AHCY: variants seen among roughly 807,000 people sequenced by gnomAD.
AHCY encodes S-adenosyl-L-homocysteine hydrolase.
Under a neutral mutation model 45.4 loss-of-function variants are expected in AHCY, and 24 were observed. The ratio of observed to expected loss-of-function variants is 0.53; its 90% confidence interval spans 0.38 to 0.74. The LOEUF (loss-of-function observed/expected upper bound fraction) is 0.74, where lower values mean the gene tolerates loss of function less well. Ranked by LOEUF, AHCY falls within the 30% of genes least tolerant of loss-of-function variation. AHCY has a pLI of 0.00. For synonymous variants in AHCY, 245 were observed against 235.1 expected, an observed-to-expected ratio of 1.04 and a Z score of -0.39; for missense variants, 449 against 594.1, an observed-to-expected ratio of 0.76 and a Z score of 2.54.
chr20:34,305,293 C>G (rs373713914), upstream of AHCY, among the ~76,000 whole-genome samples: 1 of 151,944 alleles, frequency 6.6e-6, no homozygotes, highest in Non-Finnish European at 1.5e-5. Flanking sequence ...CACTGCACTC[C>G]GGCCTGGGCG....
chr20:34,245,456 C>T, the AHCY span, among the ~76,000 whole-genome samples: 97 of 151,218 alleles, frequency 6.4e-4, no homozygotes, highest in Non-Finnish European at 1.1e-3. Context: ...TGGCAGATCT[C>T]GGCTCACTGC....
At position 34,290,200 on chromosome 20, in the gene AHCY, T is replaced by G; in HGVS notation, c.972+132A>C. ...GATAAGGTTGCCACGTCTGGCTGGCTCTGATGCTAGGCCCTCTTCTCCCCA... is the reference window on the plus strand; with the variant it reads ...GATAAGGTTGCCACGTCTGGCTGGCGCTGATGCTAGGCCCTCTTCTCCCCA... On this transcript the variant is annotated intron_variant, in intron 8 of 9. Coordinates refer to ENST00000217426, the MANE Select transcript of AHCY (RefSeq NM_000687.4). This position sits in a 1 kb window ranked among gnomAD's most constrained non-coding sequence, Gnocchi z 4.5. 1 of 908,430 alleles carries G rather than the reference T, an allele frequency of 1.1e-6. No homozygotes were observed. The highest frequency in any genetic ancestry group is 2.4e-5 in the East Asian group (1 of 41,666). The allele number at this position is 908,430 out of a possible 1,614,324, so 56.3% of individuals were successfully genotyped here.
the AHCY span, chr20:34,260,335 C>G: frequency 6.3e-6 from 10 of 1,594,226 alleles, no homozygotes; most frequent in Non-Finnish European, 8.6e-6. Flanking sequence ...CCTGACCCAC[C>G]CACCTGACCA....
chr20:34,257,312 T>C, the AHCY span, among the ~76,000 whole-genome samples: 1 of 152,046 alleles, frequency 6.6e-6, no homozygotes, highest in East Asian at 1.9e-4. Context: ...GTCGAACTCC[T>C]GACCCCAAGT....
the AHCY span, among the ~76,000 whole-genome samples, chr20:34,252,238 A>G: frequency 6.6e-6 from 1 of 152,230 alleles, no homozygotes; most frequent in African/African-American, 2.4e-5. Flanking sequence ...ACCGGTGCTC[A>G]GTATACAGAG....
At chr20:34,281,305 C>T (rs371597443) in intron 9 of AHCY, 140 bp from the exon 10 acceptor site, 3 of 1,332,686 alleles carry the variant, frequency 2.3e-6, no homozygotes, top group East Asian at 4.9e-5. Context: ...TCTATCCTCA[C>T]ACCCAGCCTC....
chr20:34,258,887 TTA>T, the AHCY span, among the ~76,000 whole-genome samples: 1 of 130,604 alleles, frequency 7.7e-6, no homozygotes, highest in Admixed American at 9.3e-5. Flanking sequence ...ATATATAGTA[TTA>T]TATATATAGT....
At position 34,291,415 on chromosome 20, in the gene AHCY, T is replaced by C; in HGVS notation, c.558+4A>G. On this transcript the variant is annotated splice_donor_region_variant and intron_variant, in intron 5 of 9. Coordinates refer to ENST00000217426, the MANE Select transcript of AHCY (RefSeq NM_000687.4). The stretch of plus-strand genomic sequence containing the variant: ...GCGGGAGCTGTCACTGCCCCTCGGC[T>C]CACCTTGGTGACGGAGTCATTGACA... 1 of 1,613,244 alleles carries C rather than the reference T, an allele frequency of 6.2e-7. No homozygotes were observed.
the AHCY span, among the ~76,000 whole-genome samples, chr20:34,261,382 C>T: frequency 2.0e-5 from 3 of 152,184 alleles, no homozygotes; most frequent in African/African-American, 7.2e-5. Flanking sequence ...ACCTGTAATC[C>T]CAGCACTTTC....
chr20:34,299,810 T>C (rs576889778), intron 1 of AHCY, among the ~76,000 whole-genome samples: 6 of 152,322 alleles, frequency 3.9e-5, no homozygotes, highest in South Asian at 4.1e-4. Context: ...TTTTCCTCTT[T>C]CACCTCAATC....
At chr20:34,285,966 G>A (rs1334936659) in intron 8 of AHCY, 2 of 338,068 alleles carry the variant, frequency 5.9e-6, no homozygotes, top group Non-Finnish European at 1.2e-5. Flanking sequence ...TTAGCCGGGC[G>A]TGGTAGCAGG....
At chr20:34,263,302 C>T in the AHCY span, among the ~76,000 whole-genome samples, 82 of 152,344 alleles carry the variant, frequency 5.4e-4, no homozygotes, top group African/African-American at 1.8e-3. Context: ...CGGTGGCTCA[C>T]GCCTATAATC....
upstream of AHCY, among the ~76,000 whole-genome samples, chr20:34,305,582 T>A (rs577289055): frequency 6.6e-6 from 1 of 152,238 alleles, no homozygotes; most frequent in Admixed American, 6.5e-5. Context: ...TGTTACTAGG[T>A]TGTCCTACGA....
intron 3 of AHCY, 133 bp from the exon 4 acceptor site, chr20:34,292,640 A>G (rs2036437596): frequency 7.8e-7 from 1 of 1,289,650 alleles, no homozygotes; most frequent in African/African-American, 1.5e-5. Context: ...CTGAAAACTC[A>G]GCAGTGGTCA....
the AHCY span, among the ~76,000 whole-genome samples, chr20:34,273,675 G>T: frequency 2.0e-5 from 3 of 152,196 alleles, no homozygotes; most frequent in African/African-American, 7.2e-5. Flanking sequence ...GGCAAGAAAA[G>T]AATTTAATTT....
chr20:34,257,124 C>A, the AHCY span, among the ~76,000 whole-genome samples: 2 of 148,772 alleles, frequency 1.3e-5, no homozygotes, highest in Admixed American at 6.7e-5. Context: ...CCCTCTTTCA[C>A]CCAGGCTGGA....
chr20:34,262,651 A>G, the AHCY span, among the ~76,000 whole-genome samples: 1 of 152,178 alleles, frequency 6.6e-6, no homozygotes, highest in Non-Finnish European at 1.5e-5. Context: ...GCCTGGCTCC[A>G]GGTCAGTAGC....
intron 8 of AHCY, among the ~76,000 whole-genome samples, chr20:34,287,386 AT>A (rs11479058): frequency 0.69 from 79,535 of 115,752 alleles, 30,797 homozygotes; most frequent in Non-Finnish European, 0.86. Flanking sequence ...TATTTTATTA[AT>A]TTTTTTTTTT....
In AHCY at chr20:34,300,469, G is replaced by T. The variant is rs1056246383; in HGVS notation, c.28+2774C>A. ...CACTCACTAGCTGTTCAACACACAGGCTTCCTGACTGACTTCAGGCAAGCT... is the reference window on the plus strand; with the variant it reads ...CACTCACTAGCTGTTCAACACACAGTCTTCCTGACTGACTTCAGGCAAGCT... On this transcript the variant is annotated intron_variant, in intron 1 of 9. Coordinates refer to ENST00000217426, the MANE Select transcript of AHCY (RefSeq NM_000687.4). 3.3e-4 allele frequency among the ~76,000 whole-genome samples: 50 copies of T among 152,064 alleles called. 1 individual carries two copies. The highest frequency in any genetic ancestry group is 1.2e-3 in the African/African-American group (50 of 41,388).
Sources: gnomAD v4.1 joint callset for allele counts (sites outside exome capture counted in the v4.1 genomes callset) on GRCh38, gnomAD v4.1.1 for gene constraint, Gnocchi (gnomAD v3.1) non-coding constraint, MANE v1.5 for transcripts, NCBI Gene and HGNC (gene_info 2026-07-23, HGNC 2026-07-21) for gene names.